ACTN1: variants seen among roughly 807,000 people sequenced by gnomAD.
ACTN1 encodes alpha-actinin-1.
In ACTN1, 30 loss-of-function variants were observed where a neutral mutation model predicts 119.6. That is an observed-to-expected ratio of 0.25 (90% CI 0.19 to 0.34). ACTN1 has a LOEUF of 0.34. Ranked by LOEUF, ACTN1 falls within the 10% of genes least tolerant of loss-of-function variation. ACTN1 has a pLI of 1.00. For synonymous variants in ACTN1, 429 were observed against 472.6 expected, an observed-to-expected ratio of 0.91 and a Z score of 1.20; for missense variants, 764 against 1,223.4, an observed-to-expected ratio of 0.62 and a Z score of 5.60.
chr14:68,978,228 G>T (rs1348207557), intron 1 of ACTN1: 1 of 456,112 alleles, frequency 2.2e-6, no homozygotes, highest in Non-Finnish European at 4.4e-6. Context: ...TTTCCCGGGG[G>T]TCGGAGGGGC....
intron 1 of ACTN1, among the ~76,000 whole-genome samples, chr14:68,930,148 C>G (rs564132898): frequency 6.6e-5 from 10 of 152,318 alleles, no homozygotes; most frequent in African/African-American, 2.2e-4. Context: ...TGCCCCCAAG[C>G]TCAGACAGAC....
At chr14:68,954,664 T>G (rs1399733515) in intron 1 of ACTN1, among the ~76,000 whole-genome samples, 1 of 152,148 alleles carries the variant, frequency 6.6e-6, no homozygotes, top group East Asian at 1.9e-4. Flanking sequence ...TTCTTTCAGC[T>G]GGACAGTTTC....
At chr14:68,905,987 A>C (rs1368732574) in intron 6 of ACTN1, among the ~76,000 whole-genome samples, 1 of 151,784 alleles carries the variant, frequency 6.6e-6, no homozygotes, top group Non-Finnish European at 1.5e-5. Context: ...CGTCTCAAAA[A>C]AAAAAAAAAA....
chr14:68,958,011 T>C (rs2036408190), intron 1 of ACTN1, among the ~76,000 whole-genome samples: 1 of 152,102 alleles, frequency 6.6e-6, no homozygotes, highest in South Asian at 2.1e-4. Flanking sequence ...GGCAAAACTT[T>C]CCCAGGCGAT....
intron 14 of ACTN1, among the ~76,000 whole-genome samples, 186 bp downstream of exon 14, chr14:68,883,982 A>G (rs1007879525): frequency 6.6e-6 from 1 of 152,030 alleles, no homozygotes; most frequent in African/African-American, 2.4e-5. Context: ...AACCTTTTTA[A>G]TTTTTTTTAA....
chr14:68,918,059 AC>A (rs1357271675), intron 3 of ACTN1, among the ~76,000 whole-genome samples: 2 of 152,336 alleles, frequency 1.3e-5, no homozygotes, highest in East Asian at 3.9e-4. Context: ...ACAGAGTGAG[AC>A]CCTGTCTCAA....
intron 11 of ACTN1, among the ~76,000 whole-genome samples, chr14:68,888,608 T>G (rs2032221454): frequency 6.6e-6 from 1 of 152,078 alleles, no homozygotes; most frequent in Non-Finnish European, 1.5e-5. Context: ...CCCCACCCCC[T>G]GGGCCATAGA....
chr14:68,904,587 AC>A lies in ACTN1; in HGVS notation c.676+67del. The A allele has an allele frequency of 3.4e-6, 5 of 1,472,194 alleles. No individual in the cohort carries two copies. In the South Asian group the frequency reaches 3.4e-5, roughly 10 times the overall value. The allele number at this position is 1,472,194 out of a possible 1,614,324, so 91.2% of individuals were successfully genotyped here. ...GTCCAGCCCCGGACTGCTGGGGTCC[AC>A]CCCTTCTTAGCCGCTGAGTGGCAGG... On this transcript the variant is annotated intron_variant, in intron 7 of 21. Coordinates refer to ENST00000394419, the MANE Select transcript of ACTN1 (RefSeq NM_001130004.2).
chr14:68,878,490 G>A lies in ACTN1; in HGVS notation c.2395C>T (p.Arg799Cys), dbSNP rs377766289. Reference protein sequence around the residue: ...KTGMMDTDDFRACLISMGYNM... With the variant: ...KTGMMDTDDFCACLISMGYNM... ...TAACCCATGGAGATCAGGCAGGCGC[G>A]GAAATCATCCGTGTCCATCATGCCT... The change falls in exon 20 of 22, where the codon CGC becomes TGC. Residue 799 changes from arginine (R) to cysteine (C), a missense_variant. Physicochemically the swap from Arg to Cys is radical, Grantham distance 180. Around this residue, in one of 4 missense-constraint regions of ACTN1, gnomAD observed 544 missense variants for 912.0 expected, o/e 0.60. Coordinates refer to ENST00000394419, the MANE Select transcript of ACTN1 (RefSeq NM_001130004.2). This position sits in a 1 kb window ranked among gnomAD's most constrained non-coding sequence, Gnocchi z 4.4. The A allele has an allele frequency of 1.4e-5, 22 of 1,582,070 alleles. No homozygotes were observed. The highest frequency in any genetic ancestry group is 5.8e-5 in the South Asian group (5 of 85,672).
At chr14:68,910,549 C>T (rs1248960507) in intron 4 of ACTN1, among the ~76,000 whole-genome samples, 4 of 152,232 alleles carry the variant, frequency 2.6e-5, no homozygotes, top group Non-Finnish European at 5.9e-5. Context: ...CGGATCAATA[C>T]TGCTGCCCTC....
rs2031915553 is a variant in ACTN1 at position 68,885,438 on chromosome 14, C to T, written c.1372G>A (p.Ala458Thr). Residue 458 changes from alanine (A) to threonine (T), a missense_variant, in exon 12 of 22, where the codon GCA becomes ACA. Transcript: ENST00000394419. This position sits in a 1 kb window ranked among gnomAD's most constrained non-coding sequence, Gnocchi z 5.6. Reference sequence around the variant, plus strand: ...GGGGCCACCTACTTGAGCTCCTGTGCGATGGCGGCAATCTGCTCCACACGG... The same window carrying T: ...GGGGCCACCTACTTGAGCTCCTGTGTGATGGCGGCAATCTGCTCCACACGG... Reference protein sequence around the residue: ...QDRVEQIAAIAQELNELDYYD... With the variant: ...QDRVEQIAAITQELNELDYYD... 7 of 1,611,848 alleles carry T rather than the reference C, an allele frequency of 4.3e-6. No homozygotes were observed. Among genetic ancestry groups the T allele is most frequent in the African/African-American group, 1.3e-5 (1 of 74,984 alleles).
At chr14:68,896,909 C>G (rs1056736560) in intron 8 of ACTN1, among the ~76,000 whole-genome samples, 6 of 152,182 alleles carry the variant, frequency 3.9e-5, no homozygotes, top group Admixed American at 1.3e-4. Context: ...AATGTTGCTT[C>G]CAAGTGCCAA....
In ACTN1 at chr14:68,974,641, A is replaced by G. The variant is rs115189261; in HGVS notation, c.105+4311T>C. Among the ~76,000 whole-genome samples, 451 of 152,238 alleles carry G rather than the reference A, an allele frequency of 3.0e-3. 3 individuals are homozygous for G. The highest frequency in any genetic ancestry group is 0.01 in the African/African-American group (429 of 41,522). ...CCGCCTTCCTTTGAGATGCACCTCCAATTCCACCAGCTCCTGCCAATGGCC... is the reference window on the plus strand; with the variant it reads ...CCGCCTTCCTTTGAGATGCACCTCCGATTCCACCAGCTCCTGCCAATGGCC... On this transcript the variant is annotated intron_variant, in intron 1 of 21. Coordinates refer to ENST00000394419, the MANE Select transcript of ACTN1 (RefSeq NM_001130004.2).
chr14:68,962,369 C>A (rs375910018), intron 1 of ACTN1, among the ~76,000 whole-genome samples: 1 of 152,150 alleles, frequency 6.6e-6, no homozygotes, highest in African/African-American at 2.4e-5. Flanking sequence ...TGGAAACCCA[C>A]GGCAGTGATG....
intron 1 of ACTN1, among the ~76,000 whole-genome samples, chr14:68,960,569 A>C (rs541941433): frequency 9.9e-5 from 15 of 152,260 alleles, no homozygotes; most frequent in Non-Finnish European, 1.9e-4. Context: ...TTTTCTTAAC[A>C]ATTGTCTCAC....
intron 1 of ACTN1, among the ~76,000 whole-genome samples, chr14:68,954,691 G>A (rs866881406): frequency 7.2e-5 from 11 of 152,118 alleles, no homozygotes; most frequent in African/African-American, 2.4e-4. Flanking sequence ...ACACACTCCT[G>A]GGGGGTGAAA....
At chr14:68,966,592 AC>A (rs773077293) in intron 1 of ACTN1, among the ~76,000 whole-genome samples, 87 of 151,406 alleles carry the variant, frequency 5.7e-4, no homozygotes, top group Non-Finnish European at 1.1e-3. Context: ...GTCTTTTCAC[AC>A]CTATCCCCAC....
intron 3 of ACTN1, among the ~76,000 whole-genome samples, chr14:68,917,845 C>T (rs569681431): frequency 6.6e-6 from 1 of 152,204 alleles, no homozygotes; most frequent in Non-Finnish European, 1.5e-5. Context: ...GCTGGCGGAT[C>T]ATTTGAAGTC....
intron 1 of ACTN1, among the ~76,000 whole-genome samples, chr14:68,955,052 A>G (rs2036307474): frequency 6.6e-6 from 1 of 152,158 alleles, no homozygotes; most frequent in Non-Finnish European, 1.5e-5. Context: ...CCTCCATGCC[A>G]CACTCAATTC....
Sources: allele counts gnomAD v4.1 joint callset (sites outside exome capture counted in the v4.1 genomes callset), GRCh38; gene constraint gnomAD v4.1.1; regional missense constraint gnomAD v4.1.1; non-coding constraint Gnocchi (gnomAD v3.1); transcripts MANE v1.5; gene names NCBI Gene and HGNC (gene_info 2026-07-23, HGNC 2026-07-21).